Variants in PXK observed in about 807,000 individuals in gnomAD.
The protein encoded by PXK is PX domain-containing protein kinase-like protein.
In PXK, 35 loss-of-function variants were observed where a neutral mutation model predicts 84.7. The ratio of observed to expected loss-of-function variants is 0.41; its 90% CI spans 0.32 to 0.55. The LOEUF (loss-of-function observed/expected upper bound fraction) is 0.55. Among genes scored for constraint, PXK ranks in the 20% least tolerant of loss-of-function variants. PXK has a pLI of 0.21. For synonymous variants in PXK, 253 were observed against 260.8 expected (o/e 0.97, Z 0.29); for missense variants, 634 against 699.7 (o/e 0.91, Z 1.06).
intron 3 of PXK, among the ~76,000 whole-genome samples, chr3:58,369,841 A>C (rs1480421333): frequency 6.8e-6 from 1 of 146,070 alleles, no homozygotes; most frequent in Non-Finnish European, 1.5e-5. Context: ...AAAAAAAAAA[A>C]CAAAACTGGT....
At chr3:58,422,410 C>G in intron 17 of PXK, 1 of 985,448 alleles carries the variant, frequency 1.0e-6, no homozygotes, top group Non-Finnish European at 1.2e-6. Flanking sequence ...CCGGACTGCT[C>G]CAGCCTGCTG....
chr3:58,410,515 A>G (rs898753643), intron 16 of PXK, among the ~76,000 whole-genome samples: 1 of 152,274 alleles, frequency 6.6e-6, no homozygotes, highest in Admixed American at 6.5e-5. Context: ...ATGACCTTAA[A>G]TCCTGCCCAC....
chr3:58,351,283 G>A (rs1047740663), intron 1 of PXK, among the ~76,000 whole-genome samples: 14 of 152,012 alleles, frequency 9.2e-5, no homozygotes, highest in South Asian at 8.3e-4. Context: ...CACGGCTCAC[G>A]GCAGCCTCCA....
chr3:58,423,322 TTC>T (rs2062229777), intron 17 of PXK: 5 of 1,443,398 alleles, frequency 3.5e-6, no homozygotes, highest in Non-Finnish European at 4.6e-6. Context: ...AACAATTTCA[TTC>T]ATCAGTTGTT....
chr3:58,335,814 G>A (rs2097581050), intron 1 of PXK, among the ~76,000 whole-genome samples: 1 of 151,924 alleles, frequency 6.6e-6, no homozygotes, highest in South Asian at 2.1e-4. Flanking sequence ...TCTGTAAATG[G>A]GAGTAATAAA....
intron 4 of PXK, among the ~76,000 whole-genome samples, chr3:58,389,128 G>T (rs1168427634): frequency 6.6e-6 from 1 of 152,028 alleles, no homozygotes; most frequent in Non-Finnish European, 1.5e-5. Flanking sequence ...TCTTAAAAGG[G>T]GGAAACATTT....
intron 1 of PXK, among the ~76,000 whole-genome samples, chr3:58,356,846 C>T (rs1197704820): frequency 2.0e-5 from 3 of 151,250 alleles, no homozygotes; most frequent in South Asian, 2.1e-4. Context: ...TTGTGATCCA[C>T]CTTCCTCAGC....
chr3:58,413,142 C>G, intron 17 of PXK, 179 bp downstream of exon 17: 1 of 677,746 alleles, frequency 1.5e-6, no homozygotes. Flanking sequence ...GGCTAGATTT[C>G]CAAGCTCGGC....
At chr3:58,395,536 A>G (rs2057517327) in intron 8 of PXK, 122 bp from the exon 9 acceptor site, 4 of 710,248 alleles carry the variant, frequency 5.6e-6, no homozygotes, top group East Asian at 5.2e-5. Context: ...AAAAACTCAC[A>G]TCTTGCAGCT....
At position 58,336,830 on chromosome 3, in the gene PXK, G is replaced by A. The variant is rs192155541; in HGVS notation, c.102+3740G>A. ...GTTTTCTCCTTTTTTTGGGGGGTGGGGGACAGAGTCTCGCTCTGTCACCAG... is the reference window on the plus strand; with the variant it reads ...GTTTTCTCCTTTTTTTGGGGGGTGGAGGACAGAGTCTCGCTCTGTCACCAG... On this transcript the variant is annotated intron_variant, in intron 1 of 17. Coordinates refer to ENST00000356151, the MANE Select transcript of PXK (RefSeq NM_017771.5). Among the ~76,000 whole-genome samples, 271 of 151,990 alleles carry A rather than the reference G, an allele frequency of 1.8e-3. 2 individuals are homozygous for A. Among genetic ancestry groups the A allele is most frequent in the African/African-American group, 6.1e-3 (253 of 41,458 alleles).
intron 1 of PXK, among the ~76,000 whole-genome samples, chr3:58,361,797 T>C (rs965730672): frequency 4.6e-5 from 7 of 152,258 alleles, no homozygotes; most frequent in Non-Finnish European, 8.8e-5. Context: ...ATAAAGTTGC[T>C]ATGAACATTT....
chr3:58,359,000 C>G (rs1469544525), intron 1 of PXK, among the ~76,000 whole-genome samples: 1 of 152,042 alleles, frequency 6.6e-6, no homozygotes, highest in African/African-American at 2.4e-5. Flanking sequence ...CCTTTTTCGT[C>G]AGAATGCACT....
chr3:58,420,972 A>G, intron 17 of PXK: 1 of 1,021,174 alleles, frequency 9.8e-7, no homozygotes, highest in Non-Finnish European at 1.2e-6. Context: ...TCTTAGTTAC[A>G]GGGAGACAAC....
At position 58,342,024 on chromosome 3, in the gene PXK, A is replaced by G. The variant is rs888523101; in HGVS notation, c.102+8934A>G. Among the ~76,000 whole-genome samples the G allele has an allele frequency of 5.9e-5, 9 of 152,128 alleles. No individual in the cohort carries two copies. The South Asian group carries it at 1.0e-3, about 18-fold the overall frequency. Reference sequence around the variant, plus strand: ...TGGCCAGAAACTTTTCAGTACCCCAAAAAGAAGCCTTAGTCATCACCCTGT... The same window carrying G: ...TGGCCAGAAACTTTTCAGTACCCCAGAAAGAAGCCTTAGTCATCACCCTGT... On this transcript the variant is annotated intron_variant, in intron 1 of 17. Coordinates refer to ENST00000356151, the MANE Select transcript of PXK (RefSeq NM_017771.5).
chr3:58,348,132 ACTC>A (rs1022842017), intron 1 of PXK, among the ~76,000 whole-genome samples: 1 of 151,810 alleles, frequency 6.6e-6, no homozygotes, highest in Non-Finnish European at 1.5e-5. Flanking sequence ...CTGGTCTTGA[ACTC>A]TGACCTCAAG....
intron 4 of PXK, among the ~76,000 whole-genome samples, chr3:58,386,819 G>A (rs1302980963): frequency 2.0e-5 from 3 of 152,202 alleles, no homozygotes; most frequent in Admixed American, 2.0e-4. Flanking sequence ...TAAAACAAGA[G>A]GCTGGGGAGG....
intron 1 of PXK, among the ~76,000 whole-genome samples, chr3:58,339,332 G>A (rs1315790293): frequency 6.6e-6 from 1 of 151,278 alleles, no homozygotes; most frequent in Non-Finnish European, 1.5e-5. Context: ...CCAGGTTCAA[G>A]TGCTTCTCTT....
intron 2 of PXK, among the ~76,000 whole-genome samples, chr3:58,367,078 T>TTG (rs2098282421): frequency 6.6e-6 from 1 of 152,180 alleles, no homozygotes; most frequent in Non-Finnish European, 1.5e-5. Flanking sequence ...AACAAAAATG[T>TTG]AGACTCTTGG....
chr3:58,403,104 C>T (rs2058852726), intron 12 of PXK, among the ~76,000 whole-genome samples: 1 of 151,502 alleles, frequency 6.6e-6, no homozygotes, highest in African/African-American at 2.4e-5. Flanking sequence ...TCCTGGGTTC[C>T]AGGGAATCTC....
Sources: gnomAD v4.1 joint callset for allele counts (sites outside exome capture counted in the v4.1 genomes callset) on GRCh38, gnomAD v4.1.1 for gene constraint, MANE v1.5 for transcripts, NCBI Gene and HGNC (gene_info 2026-07-23, HGNC 2026-07-21) for gene names.